The following TFCP2 variants were observed in gnomAD, a reference collection of about 807,000 sequenced individuals.
TFCP2 encodes the protein transcription factor CP2.
A neutral mutation model predicts 73.4 loss-of-function variants in TFCP2; 33 were observed. The ratio of observed to expected loss-of-function variants is 0.45; its 90% CI spans 0.34 to 0.60. TFCP2 has a LOEUF of 0.60. Among genes scored for constraint, TFCP2 ranks in the 20% least tolerant of loss-of-function variants. The pLI, the probability that TFCP2 is intolerant of heterozygous loss-of-function variation, is 0.01. For synonymous variants in TFCP2, 193 were observed against 211.6 expected (o/e 0.91, Z 0.76); for missense variants, 352 against 604.0 (o/e 0.58, Z 4.37).
intron 5 of TFCP2, among the ~76,000 whole-genome samples, chr12:51,109,514 A>G (rs1367392588): frequency 6.6e-6 from 1 of 152,228 alleles, no homozygotes; most frequent in Non-Finnish European, 1.5e-5. Flanking sequence ...ACTGTGAGGA[A>G]CTAAATTCAT....
At chr12:51,164,750 G>A (rs1341477913) in intron 1 of TFCP2, among the ~76,000 whole-genome samples, 1 of 151,912 alleles carries the variant, frequency 6.6e-6, no homozygotes, top group Admixed American at 6.6e-5. Context: ...AGAATACTGT[G>A]AATGACTAAA....
At chr12:51,115,528 C>T (rs951096602) in intron 4 of TFCP2, among the ~76,000 whole-genome samples, 12 of 152,094 alleles carry the variant, frequency 7.9e-5, no homozygotes, top group Middle Eastern at 3.2e-3. Flanking sequence ...ACCATATGAC[C>T]CAGCAATTCC....
intron 1 of TFCP2, among the ~76,000 whole-genome samples, chr12:51,159,600 G>C (rs1377598762): frequency 6.6e-6 from 1 of 152,084 alleles, no homozygotes; most frequent in Non-Finnish European, 1.5e-5. Context: ...TTGCAGGCGT[G>C]AGCCACCGTG....
chr12:51,134,383 G>A (rs1941017206), intron 1 of TFCP2, among the ~76,000 whole-genome samples: 1 of 152,092 alleles, frequency 6.6e-6, no homozygotes, highest in South Asian at 2.1e-4. Flanking sequence ...CTCCCGGGCT[G>A]AAGCCATTCT....
intron 1 of TFCP2, among the ~76,000 whole-genome samples, chr12:51,162,336 C>T (rs749997067): frequency 5.3e-5 from 8 of 151,834 alleles, no homozygotes; most frequent in East Asian, 3.9e-4. Flanking sequence ...GTCCCCGCTA[C>T]GCAGGAGGCT....
chr12:51,094,815 CAAAG>C lies in TFCP2; in HGVS notation c.*422_*425del, dbSNP rs1287056562. Reference sequence around the variant, plus strand: ...GATACCAGTACATTTGAGACCAGTACAAAGAGATTGAAGACCTAGTCTTATGAAT... The same window carrying C: ...GATACCAGTACATTTGAGACCAGTACAGATTGAAGACCTAGTCTTATGAAT... On this transcript the variant is annotated 3_prime_UTR_variant, in exon 15 of 15. Transcript: ENST00000257915. 1.2e-4 allele frequency: 20 copies of C among 166,884 alleles called. No individual in the cohort carries two copies. Among genetic ancestry groups the C allele is most frequent in the Non-Finnish European group, 9.1e-5 (7 of 76,606 alleles). The allele number at this position is 166,884 out of a possible 1,614,324, so 10.3% of individuals were successfully genotyped here. A position where few individuals can be genotyped will look rare whatever the true frequency, so the allele number is the denominator to read the frequency against.
At chr12:51,171,152 A>G (rs763832281) in intron 1 of TFCP2, among the ~76,000 whole-genome samples, 62 of 152,258 alleles carry the variant, frequency 4.1e-4, no homozygotes, top group Admixed American at 9.2e-4. Flanking sequence ...ACCCAATGAA[A>G]ATGTTAAGTT....
chr12:51,124,199 G>A (rs549266167), intron 1 of TFCP2, among the ~76,000 whole-genome samples: 1 of 151,942 alleles, frequency 6.6e-6, no homozygotes, highest in Non-Finnish European at 1.5e-5. Context: ...GGGTTCAAGG[G>A]ATCCTCCAGC....
intron 1 of TFCP2, among the ~76,000 whole-genome samples, chr12:51,130,483 G>A (rs1271870315): frequency 6.7e-6 from 1 of 148,640 alleles, no homozygotes; most frequent in Non-Finnish European, 1.5e-5. Flanking sequence ...AAAAAAAAAA[G>A]AAGCTGCATT....
chr12:51,132,569 C>G (rs1165335557), intron 1 of TFCP2, among the ~76,000 whole-genome samples: 2 of 151,552 alleles, frequency 1.3e-5, no homozygotes, highest in African/African-American at 2.4e-5. Context: ...GGGGGTTTCA[C>G]CATGCTGGCC....
chr12:51,102,399 C>G (rs565816003), intron 10 of TFCP2, among the ~76,000 whole-genome samples: 1 of 151,816 alleles, frequency 6.6e-6, no homozygotes, highest in Non-Finnish European at 1.5e-5. Flanking sequence ...GACTGTTAGG[C>G]GTGGGCAACA....
At chr12:51,156,346 G>A (rs540453865) in intron 1 of TFCP2, among the ~76,000 whole-genome samples, 8 of 151,912 alleles carry the variant, frequency 5.3e-5, no homozygotes, top group Non-Finnish European at 7.4e-5. Flanking sequence ...GGAAGCAAGG[G>A]GGGGGGAGGT....
At position 51,094,950 on chromosome 12, in the gene TFCP2, C is replaced by T. The variant is rs1181361245; in HGVS notation, c.*291G>A. 2.3e-6 allele frequency: 1 copy of T among 438,306 alleles called. No homozygotes were observed. The highest frequency in any genetic ancestry group is 3.6e-5 in the East Asian group (1 of 28,062). 27.2% of individuals were successfully genotyped at this position (438,306 alleles called of 1,614,324 possible). A position where few individuals can be genotyped will look rare whatever the true frequency, so the allele number is the denominator to read the frequency against. On this transcript the variant is annotated 3_prime_UTR_variant, in exon 15 of 15. Coordinates refer to ENST00000257915, the MANE Select transcript of TFCP2 (RefSeq NM_005653.5). Reference sequence around the variant, plus strand: ...CAATTCCCATCATCATTATGCCCTACATACACTCTAAATTATGTAGAGTTT... The same window carrying T: ...CAATTCCCATCATCATTATGCCCTATATACACTCTAAATTATGTAGAGTTT...
chr12:51,136,756 TA>T (rs1182072869), intron 1 of TFCP2, among the ~76,000 whole-genome samples: 2 of 152,114 alleles, frequency 1.3e-5, no homozygotes, highest in Admixed American at 1.3e-4. Flanking sequence ...GCTGACATGG[TA>T]AAACCCCATC....
chr12:51,117,596 C>A (rs1023630530), intron 3 of TFCP2, 75 bp downstream of exon 3: 109 of 1,214,926 alleles, frequency 9.0e-5, no homozygotes, highest in Non-Finnish European at 1.3e-4. Flanking sequence ...AGAACATTAA[C>A]AACAACAACA....
intron 1 of TFCP2, among the ~76,000 whole-genome samples, chr12:51,159,790 A>C (rs572591240): frequency 6.6e-6 from 1 of 152,202 alleles, no homozygotes; most frequent in East Asian, 1.9e-4. Context: ...CAGATTCCTC[A>C]TATTTGGAAG....
At chr12:51,102,191 C>A (rs570820365) in intron 10 of TFCP2, among the ~76,000 whole-genome samples, 166 bp from the exon 11 acceptor site, 1 of 152,268 alleles carries the variant, frequency 6.6e-6, no homozygotes, top group South Asian at 2.1e-4. Flanking sequence ...GCTCCTCTCC[C>A]GTCTCAATTC....
intron 1 of TFCP2, among the ~76,000 whole-genome samples, chr12:51,155,635 TTGAG>T (rs1447850949): frequency 6.6e-6 from 1 of 152,220 alleles, no homozygotes. Flanking sequence ...ATTAGCAACA[TTGAG>T]TATCTTTTCA....
intron 1 of TFCP2, among the ~76,000 whole-genome samples, chr12:51,129,425 A>C (rs886115230): frequency 6.6e-6 from 1 of 151,714 alleles, no homozygotes; most frequent in Non-Finnish European, 1.5e-5. Context: ...AGGCAGGAGA[A>C]TCTCTTGAAC....
Sources: allele counts gnomAD v4.1 joint callset (sites outside exome capture counted in the v4.1 genomes callset), GRCh38; gene constraint gnomAD v4.1.1; transcripts MANE v1.5; gene names NCBI Gene and HGNC (gene_info 2026-07-23, HGNC 2026-07-21).